The following PTPRN2 variants were observed in gnomAD, a reference collection of about 807,000 sequenced individuals.
PTPRN2 encodes the protein protein tyrosine phosphatase receptor type N2.
Under a neutral mutation model 118.8 loss-of-function variants are expected in PTPRN2, and 74 were observed. The ratio of observed to expected loss-of-function variants is 0.62; its 90% CI spans 0.52 to 0.76. The LOEUF (loss-of-function observed/expected upper bound fraction) is 0.76, where lower values mean the gene tolerates loss of function less well. PTPRN2 is among the 30% of genes least tolerant of loss of function. The probability of loss-of-function intolerance (pLI) is 0.00; values close to 1 mark genes in which losing one functional copy is unlikely to be tolerated. For missense variants in PTPRN2, 1,481 were observed against 1,394.4 expected (o/e 1.06, Z -0.99); for synonymous variants, 641 against 608.0 (o/e 1.05, Z -0.80).
In PTPRN2 at chr7:157,603,150, C is replaced by T. The variant is rs1412332906; in HGVS notation, c.2418+852G>A. Reference sequence around the variant, plus strand: ...CCTGGACAGTGTCCCATCCCGCCCCCGCCACCTGCCACCATCACTGCTCAT... The same window carrying T: ...CCTGGACAGTGTCCCATCCCGCCCCTGCCACCTGCCACCATCACTGCTCAT... On this transcript the variant is annotated intron_variant, in intron 16 of 22. Coordinates refer to ENST00000389418, the MANE Select transcript of PTPRN2 (RefSeq NM_002847.5). The surrounding 1 kb of genome is among the most constrained non-coding windows in gnomAD (Gnocchi z 5.4). Among the ~76,000 whole-genome samples the T allele has an allele frequency of 3.9e-5, 6 of 152,120 alleles. No individual in the cohort carries two copies. The highest frequency in any genetic ancestry group is 2.0e-4 in the Admixed American group (3 of 15,270).
Position 158,136,269 on chromosome 7 carries a change from C to G in PTPRN2, c.1173+386G>C, listed in dbSNP as rs111461594. Among the ~76,000 whole-genome samples the G allele has an allele frequency of 3.5e-3, 529 of 152,320 alleles. 5 individuals carry two copies. Among genetic ancestry groups the G allele is most frequent in the African/African-American group, 0.012 (501 of 41,570 alleles). On this transcript the variant is annotated intron_variant, in intron 8 of 22. Transcript: ENST00000389418. ...ATGTGGCCAGAGGTGCCACACGGGACAGCCAGGTGTGAGTGAGCTGAACCC... is the reference window on the plus strand; with the variant it reads ...ATGTGGCCAGAGGTGCCACACGGGAGAGCCAGGTGTGAGTGAGCTGAACCC...
At chr7:158,114,494 G>A (rs1033068485) in intron 9 of PTPRN2, among the ~76,000 whole-genome samples, 1 of 152,210 alleles carries the variant, frequency 6.6e-6, no homozygotes, top group African/African-American at 2.4e-5. Context: ...GGAGGGATGT[G>A]GAAGACGTGC....
At chr7:157,662,527 C>T (rs983329379) in intron 13 of PTPRN2, among the ~76,000 whole-genome samples, 5 of 152,240 alleles carry the variant, frequency 3.3e-5, no homozygotes, top group Non-Finnish European at 5.9e-5. Context: ...GCCGTGGGGC[C>T]GGGAGGAGGG....
chr7:157,950,973 T>C (rs995210960), intron 11 of PTPRN2, among the ~76,000 whole-genome samples: 1 of 152,194 alleles, frequency 6.6e-6, no homozygotes, highest in African/African-American at 2.4e-5. Context: ...TTGAGTTTGC[T>C]AGTTCTTCAC....
chr7:158,230,536 A>C (rs1829096262), intron 3 of PTPRN2, among the ~76,000 whole-genome samples: 2 of 152,124 alleles, frequency 1.3e-5, no homozygotes, highest in South Asian at 4.1e-4. Flanking sequence ...TAAAATACAG[A>C]GGGGTTTTTT....
intron 6 of PTPRN2, among the ~76,000 whole-genome samples, chr7:158,146,962 C>G (rs1364715663): frequency 1.4e-5 from 2 of 142,978 alleles, no homozygotes; most frequent in Admixed American, 1.4e-4. Flanking sequence ...CAATGACACC[C>G]CATCTCACGC....
Position 157,771,786 on chromosome 7 carries a change from C to T in PTPRN2, c.1789-88849G>A, listed in dbSNP as rs554591194. Among the ~76,000 whole-genome samples the T allele has an allele frequency of 5.0e-5, 6 of 119,646 alleles. No homozygotes were observed. The South Asian group carries it at 1.5e-3, about 29-fold the overall frequency. 78.5% of individuals were successfully genotyped at this position (119,646 alleles called of 152,430 possible). A position where few individuals can be genotyped will look rare whatever the true frequency, so the allele number is the denominator to read the frequency against. On this transcript the variant is annotated intron_variant, in intron 12 of 22. Coordinates refer to ENST00000389418, the MANE Select transcript of PTPRN2 (RefSeq NM_002847.5). ...ACACACATGCAGACACAGACACACA[C>T]TCACAGACACAGACACAAACACACA...
At chr7:157,954,890 T>C (rs757701581) in intron 11 of PTPRN2, among the ~76,000 whole-genome samples, 4 of 152,248 alleles carry the variant, frequency 2.6e-5, no homozygotes, top group Non-Finnish European at 4.4e-5. Context: ...GCAAAATTAT[T>C]TTTTAAGATA....
intron 11 of PTPRN2, among the ~76,000 whole-genome samples, chr7:158,061,661 C>T (rs537696949): frequency 6.6e-6 from 1 of 152,340 alleles, no homozygotes; most frequent in East Asian, 1.9e-4. Context: ...AGCACCGCTG[C>T]CCATGGTCCA....
intron 21 of PTPRN2, among the ~76,000 whole-genome samples, chr7:157,555,305 C>T (rs745893376): frequency 2.0e-5 from 3 of 152,080 alleles, no homozygotes; most frequent in Non-Finnish European, 2.9e-5. Flanking sequence ...AAATGTTAAC[C>T]ATTAAACAAA....
At chr7:157,715,485 T>C (rs762312816) in intron 12 of PTPRN2, among the ~76,000 whole-genome samples, 22 of 152,246 alleles carry the variant, frequency 1.4e-4, no homozygotes, top group Admixed American at 3.3e-4. Flanking sequence ...TGGCGCTGGC[T>C]ACTCTTCTTG....
intron 11 of PTPRN2, among the ~76,000 whole-genome samples, chr7:158,036,843 T>C (rs1382687400): frequency 6.6e-6 from 1 of 152,180 alleles, no homozygotes; most frequent in Non-Finnish European, 1.5e-5. Context: ...ATGCTTGGGA[T>C]AGATAATGAA....
At chr7:158,354,622 A>G (rs1586434458) in intron 2 of PTPRN2, among the ~76,000 whole-genome samples, 1 of 152,346 alleles carries the variant, frequency 6.6e-6, no homozygotes, top group Admixed American at 6.5e-5. Context: ...GTGAGCTCAA[A>G]TACACAATCA....
rs1808758158 is a variant in PTPRN2, at chr7:157,845,725, G to A, written c.1788+52948C>T. ...AACATGGAGCTGAGGCCCCAGAGAG[G>A]TCCCTGTGCTCATGACTCACAGAGA... On this transcript the variant is annotated intron_variant, in intron 12 of 22. Transcript: ENST00000389418. This position sits in a 1 kb window ranked among gnomAD's most constrained non-coding sequence, Gnocchi z 4.5. Among the ~76,000 whole-genome samples, 2 of 152,180 alleles carry A rather than the reference G, an allele frequency of 1.3e-5. No individual in the cohort carries two copies. The highest frequency in any genetic ancestry group is 2.9e-5 in the Non-Finnish European group (2 of 68,040).
rs578088619 is a variant in PTPRN2 at position 158,131,895 on chromosome 7, CAT to C, written c.1556+1780_1556+1781del. Reference sequence around the variant, plus strand: ...TACACATCTACCTGACATACACACACATGGGCATATACACAAACCAATACACA... The same window carrying C: ...TACACATCTACCTGACATACACACACGGGCATATACACAAACCAATACACA... On this transcript the variant is annotated intron_variant, in intron 9 of 22. Transcript: ENST00000389418. 1.3e-3 allele frequency among the ~76,000 whole-genome samples: 205 copies of C among 152,022 alleles called. 1 individual carries two copies. Among genetic ancestry groups the C allele is most frequent in the African/African-American group, 4.1e-3 (169 of 41,450 alleles).
At chr7:158,224,364 A>T (rs1828594456) in intron 3 of PTPRN2, among the ~76,000 whole-genome samples, 1 of 152,224 alleles carries the variant, frequency 6.6e-6, no homozygotes, top group South Asian at 2.1e-4. Context: ...TAGGTACAAT[A>T]ATCAAGACTG....
intron 1 of PTPRN2, among the ~76,000 whole-genome samples, chr7:158,557,000 C>CAG (rs1204080544): frequency 8.0e-6 from 1 of 124,564 alleles, no homozygotes; most frequent in African/African-American, 4.0e-5. Flanking sequence ...CCACGCAGGT[C>CAG]GCTCCCACGC....
At chr7:157,846,256 G>A (rs968559581) in intron 12 of PTPRN2, among the ~76,000 whole-genome samples, 1 of 152,022 alleles carries the variant, frequency 6.6e-6, no homozygotes, top group Non-Finnish European at 1.5e-5. Context: ...TGTGATGTAC[G>A]TTTGCATCCT....
In PTPRN2 at chr7:158,110,845, C is replaced by A. The variant is rs373563129; in HGVS notation, c.1627G>T (p.Ala543Ser). 1 of 1,588,924 alleles carries A rather than the reference C, an allele frequency of 6.3e-7. No individual in the cohort carries two copies. The highest frequency in any genetic ancestry group is 8.6e-7 in the Non-Finnish European group (1 of 1,167,186). Residue 543 changes from alanine to serine, a missense_variant, in exon 10 of 23, where the codon GCG becomes TCG. Around this residue, in one of 3 missense-constraint regions of PTPRN2, gnomAD observed 1,115 missense variants for 994.2 expected, o/e 1.12. Coordinates refer to ENST00000389418, the MANE Select transcript of PTPRN2 (RefSeq NM_002847.5). Reference sequence around the variant, plus strand: ...CGTACTTACTCCACGTCAGCGAACGCACTGCTGGGCACCTGCAGGAGGCGG... The same window carrying A: ...CGTACTTACTCCACGTCAGCGAACGAACTGCTGGGCACCTGCAGGAGGCGG... ...VARLLQVPSSAFADVEVLGPA... is the reference protein window; with the variant it reads ...VARLLQVPSSSFADVEVLGPA...
Sources: allele counts gnomAD v4.1 joint callset (sites outside exome capture counted in the v4.1 genomes callset), GRCh38; gene constraint gnomAD v4.1.1; regional missense constraint gnomAD v4.1.1; non-coding constraint Gnocchi (gnomAD v3.1); transcripts MANE v1.5; gene names NCBI Gene and HGNC (gene_info 2026-07-23, HGNC 2026-07-21).